Variants in ARNT2 observed in about 807,000 individuals in gnomAD.
ARNT2 encodes aryl hydrocarbon receptor nuclear translocator 2.
In ARNT2, 36 loss-of-function variants were observed where a neutral mutation model predicts 91.7. The observed-to-expected ratio is 0.39, with a 90% confidence interval of 0.30 to 0.52. ARNT2 has a LOEUF of 0.52. Ranked by LOEUF, ARNT2 falls within the 20% of genes least tolerant of loss-of-function variation. The probability of loss-of-function intolerance (pLI) is 0.72; values close to 1 mark genes in which losing one functional copy is unlikely to be tolerated. For synonymous variants in ARNT2, 365 were observed against 347.1 expected (o/e 1.05, Z -0.57); for missense variants, 775 against 939.3 (o/e 0.83, Z 2.29).
At chr15:80,553,321 T>C (rs977565750) in intron 10 of ARNT2, among the ~76,000 whole-genome samples, 1 of 152,196 alleles carries the variant, frequency 6.6e-6, no homozygotes, top group African/African-American at 2.4e-5. Context: ...AGGGCCTTAA[T>C]TGTGTCCTGG....
chr15:80,480,221 G>A lies in ARNT2; in HGVS notation c.622+4998G>A, dbSNP rs74434958. ...TAAGCCCCAGCTCTCTGCAGGGAAG[G>A]AGAGGAGCTGAGGAGAGGCCCAGGG... On this transcript the variant is annotated intron_variant, in intron 5 of 18. Coordinates refer to ENST00000303329, the MANE Select transcript of ARNT2 (RefSeq NM_014862.4). 4.8e-4 allele frequency among the ~76,000 whole-genome samples: 73 copies of A among 152,272 alleles called. No individual in the cohort carries two copies. In the East Asian group the frequency reaches 5.2e-3, roughly 11 times the overall value.
Position 80,452,724 on chromosome 15 carries a change from G to A in ARNT2, c.146+1730G>A, listed in dbSNP as rs1232813301. ...GGCAGAGATGCTCAGGCCCAGCCTAGTACTTACAGGACCAGAAACCGTCTC... is the reference window on the plus strand; with the variant it reads ...GGCAGAGATGCTCAGGCCCAGCCTAATACTTACAGGACCAGAAACCGTCTC... On this transcript the variant is annotated intron_variant, in intron 2 of 18. Coordinates refer to ENST00000303329, the MANE Select transcript of ARNT2 (RefSeq NM_014862.4). Among the ~76,000 whole-genome samples, 10 of 152,276 alleles carry A rather than the reference G, an allele frequency of 6.6e-5. No individual in the cohort carries two copies. The East Asian group carries it at 1.9e-3, about 29-fold the overall frequency.
intron 18 of ARNT2, 119 bp from the exon 19 acceptor site, chr15:80,593,481 C>T: frequency 2.6e-6 from 2 of 759,684 alleles, no homozygotes; most frequent in Non-Finnish European, 4.3e-6. Flanking sequence ...GGGAGGACCT[C>T]TGGGCTGCCC....
chr15:80,579,149 G>A (rs6495509), intron 15 of ARNT2, among the ~76,000 whole-genome samples: 41,074 of 152,136 alleles, frequency 0.27, 7,405 homozygotes, highest in African/African-American at 0.51. Context: ...TCCTAGGACC[G>A]TCTACGCTGT....
intron 18 of ARNT2, among the ~76,000 whole-genome samples, chr15:80,592,277 G>T (rs553046110): frequency 6.6e-6 from 1 of 152,232 alleles, no homozygotes; most frequent in Non-Finnish European, 1.5e-5. Flanking sequence ...TGTGGCTGGG[G>T]ATGGCACTGC....
At chr15:80,405,590 C>T (rs1368489979) in intron 1 of ARNT2, among the ~76,000 whole-genome samples, 2 of 152,130 alleles carry the variant, frequency 1.3e-5, no homozygotes, top group Non-Finnish European at 2.9e-5. Flanking sequence ...CCAGGGAAGG[C>T]TTCTGGAGAT....
At chr15:80,406,886 T>C (rs1477218062) in intron 1 of ARNT2, among the ~76,000 whole-genome samples, 4 of 152,192 alleles carry the variant, frequency 2.6e-5, no homozygotes, top group Non-Finnish European at 5.9e-5. Flanking sequence ...GTGTTATTAT[T>C]GCCCCATGTG....
intron 1 of ARNT2, chr15:80,441,336 T>C (rs188939393): frequency 7.1e-6 from 7 of 985,360 alleles, no homozygotes; most frequent in Non-Finnish European, 8.4e-6. Flanking sequence ...AAGAAGGTGT[T>C]GGTCACAAGG....
chr15:80,513,019 C>A (rs1897367757), intron 6 of ARNT2, among the ~76,000 whole-genome samples: 1 of 152,222 alleles, frequency 6.6e-6, no homozygotes, highest in Non-Finnish European at 1.5e-5. Flanking sequence ...TGGGGTGAGC[C>A]TCCTGTGAAG....
intron 12 of ARNT2, among the ~76,000 whole-genome samples, chr15:80,566,879 G>T (rs1335081674): frequency 1.3e-5 from 2 of 152,102 alleles, no homozygotes; most frequent in East Asian, 3.8e-4. Context: ...CATAGTTCCA[G>T]GTGTGCAAAA....
chr15:80,522,781 CTGTT>C (rs901484870), intron 8 of ARNT2, among the ~76,000 whole-genome samples: 6 of 129,470 alleles, frequency 4.6e-5, no homozygotes, highest in Admixed American at 7.4e-5. Context: ...ATATATATAT[CTGTT>C]TGATATTTAC....
intron 5 of ARNT2, among the ~76,000 whole-genome samples, chr15:80,506,191 C>T (rs1219539485): frequency 1.3e-5 from 2 of 152,162 alleles, no homozygotes; most frequent in Non-Finnish European, 2.9e-5. Flanking sequence ...CCGCCTCGGC[C>T]TCCCAAAGTG....
intron 5 of ARNT2, among the ~76,000 whole-genome samples, chr15:80,492,189 C>T (rs1224808757): frequency 2.6e-5 from 4 of 152,208 alleles, no homozygotes. Flanking sequence ...TACAGCCATG[C>T]GCCACCACGT....
At chr15:80,548,978 A>G (rs1211115112) in intron 8 of ARNT2, among the ~76,000 whole-genome samples, 1 of 152,180 alleles carries the variant, frequency 6.6e-6, no homozygotes, top group Non-Finnish European at 1.5e-5. Context: ...GAATAGTCCT[A>G]CCAGACATTA....
rs1200167646 is a variant in ARNT2 at position 80,514,290 on chromosome 15, G to T, written c.792-30G>T. The T allele has an allele frequency of 1.2e-5, 20 of 1,611,048 alleles. No individual in the cohort carries two copies. In the Admixed American group the frequency reaches 3.2e-4, roughly 26 times the overall value. On this transcript the variant is annotated intron_variant, in intron 7 of 18. Coordinates refer to ENST00000303329, the MANE Select transcript of ARNT2 (RefSeq NM_014862.4). ...CATCCTTGCCTCACCCTCATGTGAT[G>T]AAAACAATTTCACAAATGTTCTTTT...
intron 1 of ARNT2, among the ~76,000 whole-genome samples, chr15:80,411,705 A>G (rs1242161778): frequency 6.6e-6 from 1 of 152,168 alleles, no homozygotes; most frequent in South Asian, 2.1e-4. Flanking sequence ...GCTGTCCACA[A>G]AGGTTACACC....
intron 2 of ARNT2, among the ~76,000 whole-genome samples, chr15:80,452,962 G>A (rs1896423117): frequency 6.6e-6 from 1 of 152,172 alleles, no homozygotes; most frequent in Admixed American, 6.5e-5. Context: ...TTTAGAGACA[G>A]GGTCTCGCTC....
intron 8 of ARNT2, among the ~76,000 whole-genome samples, chr15:80,520,312 G>A (rs1254445082): frequency 6.6e-6 from 1 of 152,148 alleles, no homozygotes; most frequent in Non-Finnish European, 1.5e-5. Flanking sequence ...TGGGGAGAAA[G>A]GAAGCAGAAT....
chr15:80,442,955 T>C, intron 1 of ARNT2: 1 of 985,458 alleles, frequency 1.0e-6, no homozygotes, highest in Non-Finnish European at 1.2e-6. Flanking sequence ...TCCTTGCGGC[T>C]CCATCATTCA....
Sources: gnomAD v4.1 joint callset for allele counts (sites outside exome capture counted in the v4.1 genomes callset) on GRCh38, gnomAD v4.1.1 for gene constraint, MANE v1.5 for transcripts, NCBI Gene and HGNC (gene_info 2026-07-23, HGNC 2026-07-21) for gene names.